Variants in EGFR observed in about 807,000 individuals in gnomAD.
The protein encoded by EGFR is avian erythroblastic leukemia viral (v-erb-b) oncogene homolog.
Under a neutral mutation model 143.0 loss-of-function variants are expected in EGFR, and 58 were observed. The ratio of observed to expected loss-of-function variants is 0.41; its 90% CI spans 0.33 to 0.50. The LOEUF (loss-of-function observed/expected upper bound fraction) is 0.50. Among genes scored for constraint, EGFR ranks in the 20% least tolerant of loss-of-function variants. The pLI is 0.39. For synonymous variants in EGFR, 613 were observed against 594.4 expected (o/e 1.03, Z -0.45); for missense variants, 1,307 against 1,579.0 (o/e 0.83, Z 2.92).
intron 6 of EGFR, 36 bp from the exon 7 acceptor site, chr7:55,153,975 A>T (rs750147123): frequency 2.7e-5 from 44 of 1,613,996 alleles, no homozygotes; most frequent in Non-Finnish European, 3.4e-5. Flanking sequence ...GAGTGTACTT[A>T]CCTCACTTGC....
In EGFR at chr7:55,205,493, C is replaced by G. The variant is rs2128975490; in HGVS notation, c.3509C>G (p.Pro1170Arg). The change falls in exon 28 of 28, where the codon CCT becomes CGT. Residue 1170 changes from proline (P) to arginine (R), a missense_variant. Pro to Arg is a moderately radical substitution (Grantham distance 103). Around this residue, in one of 7 missense-constraint regions of EGFR, gnomAD observed 313 missense variants for 312.3 expected, o/e 1.00. Transcript: ENST00000275493. Reference protein sequence around the residue: ...KGSHQISLDNPDYQQDFFPKE... With the variant: ...KGSHQISLDNRDYQQDFFPKE... Reference sequence around the variant, plus strand: ...AGCCACCAAATTAGCCTGGACAACCCTGACTACCAGCAGGACTTCTTTCCC... The same window carrying G: ...AGCCACCAAATTAGCCTGGACAACCGTGACTACCAGCAGGACTTCTTTCCC... The G allele has an allele frequency of 3.1e-6, 5 of 1,614,222 alleles. No homozygotes were observed. Among genetic ancestry groups the G allele is most frequent in the Non-Finnish European group, 4.2e-6 (5 of 1,180,032 alleles).
chr7:55,167,950 A>ACTGAG (rs1190195883), intron 15 of EGFR, among the ~76,000 whole-genome samples: 1 of 152,220 alleles, frequency 6.6e-6, no homozygotes, highest in Non-Finnish European at 1.5e-5. Flanking sequence ...CGTGAAAAAC[A>ACTGAG]ACATTTGCTA....
At chr7:55,058,254 C>T (rs1362971338) in intron 1 of EGFR, among the ~76,000 whole-genome samples, 3 of 152,256 alleles carry the variant, frequency 2.0e-5, no homozygotes, top group South Asian at 2.1e-4. Flanking sequence ...ATTAGCCAGG[C>T]GCGGTGGCAG....
chr7:55,162,224 C>T (rs867140169), intron 13 of EGFR, among the ~76,000 whole-genome samples: 13 of 152,200 alleles, frequency 8.5e-5, no homozygotes, highest in Admixed American at 3.9e-4. Context: ...AGGCTTTGAA[C>T]GACAAATGAG....
chr7:55,186,625 G>A (rs1787149812), intron 20 of EGFR, among the ~76,000 whole-genome samples: 2 of 152,294 alleles, frequency 1.3e-5, no homozygotes, highest in East Asian at 1.9e-4. Context: ...GATCACTTTA[G>A]TATATCACTA....
At chr7:55,055,702 ACG>A (rs1433516794) in intron 1 of EGFR, among the ~76,000 whole-genome samples, 2 of 105,604 alleles carry the variant, frequency 1.9e-5, no homozygotes, top group East Asian at 3.0e-4. Flanking sequence ...TCCCTCTTGC[ACG>A]CACACACACA....
chr7:55,166,836 T>TG (rs1786037828), intron 15 of EGFR, among the ~76,000 whole-genome samples: 1 of 98,422 alleles, frequency 1.0e-5, no homozygotes, highest in Non-Finnish European at 2.2e-5. Flanking sequence ...ATGGTGGCAG[T>TG]GTTGGTGGTG....
chr7:55,123,827 CTG>C lies in EGFR; in HGVS notation c.89-18448_89-18447del, dbSNP rs138412986. Among the ~76,000 whole-genome samples, 4 of 151,996 alleles carry C rather than the reference CTG, an allele frequency of 2.6e-5. No homozygotes were observed. In the South Asian group the frequency reaches 6.3e-4, roughly 24 times the overall value. ...CTTAACTCAAACTAGAATTAAATCT[CTG>C]TGTGTGTGTGCATGTGAATGTGCCC... On this transcript the variant is annotated intron_variant, in intron 1 of 27. Transcript: ENST00000275493.
intron 1 of EGFR, among the ~76,000 whole-genome samples, chr7:55,096,636 C>A (rs1347350730): frequency 6.6e-6 from 1 of 152,146 alleles, no homozygotes; most frequent in African/African-American, 2.4e-5. Flanking sequence ...CAGGAGTTCC[C>A]GGCCACGCAG....
At chr7:55,200,539 G>T (rs576816192) in intron 24 of EGFR, 126 bp downstream of exon 24, 1 of 964,218 alleles carries the variant, frequency 1.0e-6, no homozygotes, top group Non-Finnish European at 1.6e-6. Context: ...ACCCTCCAGC[G>T]CATTAGAGCA....
At chr7:55,078,802 C>T (rs1790285451) in intron 1 of EGFR, among the ~76,000 whole-genome samples, 1 of 152,182 alleles carries the variant, frequency 6.6e-6, no homozygotes, top group Non-Finnish European at 1.5e-5. Flanking sequence ...GTCCCCAGAG[C>T]GTCCACTTTC....
intron 20 of EGFR, among the ~76,000 whole-genome samples, chr7:55,190,292 G>C (rs1183840237): frequency 6.6e-6 from 1 of 152,102 alleles, no homozygotes; most frequent in Non-Finnish European, 1.5e-5. Flanking sequence ...GCAGGGTGAG[G>C]GGACAGTCCA....
chr7:55,109,767 G>C, intron 1 of EGFR: 1 of 985,400 alleles, frequency 1.0e-6, no homozygotes, highest in Non-Finnish European at 1.2e-6. Flanking sequence ...CATGACAAAA[G>C]GGCCTGTCTG....
intron 13 of EGFR, among the ~76,000 whole-genome samples, chr7:55,162,583 A>C (rs937155326): frequency 1.3e-5 from 2 of 152,196 alleles, no homozygotes; most frequent in African/African-American, 4.8e-5. Context: ...GTTTCTTAAG[A>C]GGCAAGGTGA....
At chr7:55,050,563 GC>G (rs1321284635) in intron 1 of EGFR, among the ~76,000 whole-genome samples, 2 of 152,108 alleles carry the variant, frequency 1.3e-5, no homozygotes, top group Admixed American at 6.5e-5. Flanking sequence ...ATAGCTGTAT[GC>G]CTTTGTCTTT....
rs372968212 is a variant in EGFR, at chr7:55,049,709, G to T, written c.88+30344G>T. Among the ~76,000 whole-genome samples the T allele has an allele frequency of 1.1e-3, 161 of 152,236 alleles. 6 individuals carry two copies. In the South Asian group the frequency reaches 0.024, roughly 23 times the overall value. ...TTGCAGGAACAGCCAATGAGGGGCT[G>T]GCTGTGCTCTTTTATTTATAAAATT... is the stretch of plus-strand genomic sequence containing the variant. On this transcript the variant is annotated intron_variant, in intron 1 of 27. Coordinates refer to ENST00000275493, the MANE Select transcript of EGFR (RefSeq NM_005228.5).
In EGFR at chr7:55,192,795, A is replaced by C. The variant is rs781112955; in HGVS notation, c.2655A>C (p.Ser885=). The C allele has an allele frequency of 3.7e-6, 6 of 1,614,172 alleles. No homozygotes were observed. The Admixed American group carries it at 1.0e-4, about 27-fold the overall frequency. The change falls in exon 22 of 28, where the codon TCA becomes TCC. Residue 885 remains serine, a synonymous_variant. Coordinates refer to ENST00000275493, the MANE Select transcript of EGFR (RefSeq NM_005228.5). ...CTATCAAGTGGATGGCATTGGAATC[A>C]ATTTTACACAGAATCTATACCCACC... ...KVPIKWMALE[S]ILHRIYTHQS...
In EGFR at chr7:55,169,377, C is replaced by T. The variant is rs371800716; in HGVS notation, c.1881-1798C>T. On this transcript the variant is annotated intron_variant, in intron 15 of 27. Coordinates refer to ENST00000275493, the MANE Select transcript of EGFR (RefSeq NM_005228.5). ...CCTCCCAAAGTGCTGAGATTACAGG[C>T]GTGAGCCACTGCGCCCAGCAGGAAT... is the stretch of plus-strand genomic sequence containing the variant. Among the ~76,000 whole-genome samples the T allele has an allele frequency of 2.0e-5, 3 of 152,240 alleles. No individual in the cohort carries two copies. The East Asian group carries it at 5.8e-4, about 29-fold the overall frequency.
intron 1 of EGFR, among the ~76,000 whole-genome samples, chr7:55,082,632 G>A (rs1322222852): frequency 6.6e-6 from 1 of 152,130 alleles, no homozygotes; most frequent in Non-Finnish European, 1.5e-5. Flanking sequence ...TCGCTCCAGT[G>A]TAGACATACA....
Sources: gnomAD v4.1 joint callset for allele counts (sites outside exome capture counted in the v4.1 genomes callset) on GRCh38, gnomAD v4.1.1 for gene constraint, gnomAD v4.1.1 regional missense constraint, MANE v1.5 for transcripts, NCBI Gene and HGNC (gene_info 2026-07-23, HGNC 2026-07-21) for gene names.